Variants in CNOT6L observed in about 807,000 individuals in gnomAD.
The protein encoded by CNOT6L is CCR4-NOT transcription complex subunit 6 like.
Under a neutral mutation model 64.0 loss-of-function variants are expected in CNOT6L, and 7 were observed. The observed-to-expected ratio is 0.11, with a 90% CI of 0.06 to 0.21. CNOT6L has a LOEUF of 0.21. Ranked by LOEUF, CNOT6L falls within the 10% of genes least tolerant of loss-of-function variation. The probability of loss-of-function intolerance (pLI) is 1.00; values close to 1 mark genes in which losing one functional copy is unlikely to be tolerated. For missense variants in CNOT6L, 245 were observed against 669.0 expected, an observed-to-expected ratio of 0.37 and a Z score of 6.99; for synonymous variants, 193 against 243.4, an observed-to-expected ratio of 0.79 and a Z score of 1.93.
chr4:77,766,437 A>C (rs1364690224), intron 4 of CNOT6L, among the ~76,000 whole-genome samples: 1 of 152,138 alleles, frequency 6.6e-6, no homozygotes, highest in Admixed American at 6.5e-5. Flanking sequence ...TTAAAACTGG[A>C]AACAACAGAA....
intron 4 of CNOT6L, among the ~76,000 whole-genome samples, chr4:77,761,512 T>C (rs551990327): frequency 6.6e-6 from 1 of 152,350 alleles, no homozygotes; most frequent in Non-Finnish European, 1.5e-5. Context: ...TAAAGCATTC[T>C]GAAAACTCTT....
chr4:77,785,627 A>T (rs1729341187), intron 1 of CNOT6L, among the ~76,000 whole-genome samples: 1 of 152,242 alleles, frequency 6.6e-6, no homozygotes, highest in Non-Finnish European at 1.5e-5. Context: ...AAGAAGATAC[A>T]CGGATAGCAA....
intron 11 of CNOT6L, among the ~76,000 whole-genome samples, chr4:77,725,550 T>C (rs1721756232): frequency 6.6e-6 from 1 of 151,962 alleles, no homozygotes. Flanking sequence ...AGCCTTTCCA[T>C]TTTTTTTCAT....
chr4:77,799,595 T>C (rs6850049), intron 1 of CNOT6L, among the ~76,000 whole-genome samples: 130,800 of 151,536 alleles, frequency 0.86, 56,677 homozygotes, highest in Non-Finnish European at 0.9. Flanking sequence ...ATCCCAGCTA[T>C]TCAGGAGGTG....
At chr4:77,787,952 C>T (rs974938686) in intron 1 of CNOT6L, among the ~76,000 whole-genome samples, 2 of 152,178 alleles carry the variant, frequency 1.3e-5, no homozygotes, top group African/African-American at 2.4e-5. Flanking sequence ...CAGATATATG[C>T]CTTCAATAAA....
upstream of CNOT6L, chr4:77,819,518 A>C: frequency 3.3e-6 from 3 of 906,508 alleles, no homozygotes; most frequent in East Asian, 3.9e-5. Flanking sequence ...CAGGGCCCGT[A>C]ACCGGGGCTC....
intron 1 of CNOT6L, among the ~76,000 whole-genome samples, chr4:77,794,759 C>T (rs932142781): frequency 5.3e-5 from 8 of 152,158 alleles, no homozygotes; most frequent in Non-Finnish European, 1.0e-4. Context: ...CACCAGACAC[C>T]AGAAGTTCTA....
At chr4:77,788,100 AAAGT>A (rs1277226234) in intron 1 of CNOT6L, among the ~76,000 whole-genome samples, 2 of 152,208 alleles carry the variant, frequency 1.3e-5, no homozygotes, top group Non-Finnish European at 2.9e-5. Flanking sequence ...AATTTGGCAA[AAAGT>A]AAGTTAAAAT....
intron 6 of CNOT6L, among the ~76,000 whole-genome samples, chr4:77,747,182 A>C (rs753930345): frequency 6.6e-6 from 1 of 151,994 alleles, no homozygotes; most frequent in Non-Finnish European, 1.5e-5. Flanking sequence ...TCTTTTTTTG[A>C]GACAGGGTCT....
chr4:77,799,502 C>T (rs1318670201), intron 1 of CNOT6L, among the ~76,000 whole-genome samples: 1 of 151,830 alleles, frequency 6.6e-6, no homozygotes, highest in African/African-American at 2.4e-5. Flanking sequence ...GTCAAGAGTT[C>T]GAGACTAGCC....
chr4:77,802,646 AACAC>A (rs910539151), intron 1 of CNOT6L, among the ~76,000 whole-genome samples: 1 of 152,226 alleles, frequency 6.6e-6, no homozygotes, highest in African/African-American at 2.4e-5. Flanking sequence ...ACATGCACTG[AACAC>A]CCAGTATGTG....
intron 4 of CNOT6L, 43 bp downstream of exon 4, chr4:77,773,038 T>TAA: frequency 7.5e-7 from 1 of 1,339,800 alleles, no homozygotes; most frequent in Non-Finnish European, 1.0e-6. Context: ...AAATGCTCTT[T>TAA]AAAAGGCTCA....
intron 1 of CNOT6L, among the ~76,000 whole-genome samples, chr4:77,793,103 G>T (rs942312308): frequency 6.6e-6 from 1 of 151,996 alleles, no homozygotes; most frequent in African/African-American, 2.4e-5. Flanking sequence ...CATGAGTCCA[G>T]AGTATAGTAT....
In CNOT6L at chr4:77,756,852, T is replaced by C; in HGVS notation, c.490+10A>G. ...AGAATTTATTTTACAGCTTTGTCAC[T>C]AACAGTTACCTGCGAGATTGTCAAG... On this transcript the variant is annotated intron_variant, in intron 5 of 11. Transcript: ENST00000504123. 6.4e-7 allele frequency: 1 copy of C among 1,564,034 alleles called. No individual in the cohort carries two copies.
intron 4 of CNOT6L, among the ~76,000 whole-genome samples, chr4:77,764,453 T>G (rs1286066421): frequency 6.6e-6 from 1 of 152,130 alleles, no homozygotes; most frequent in Non-Finnish European, 1.5e-5. Flanking sequence ...TAACAGAAAT[T>G]TCTTGGCTCT....
intron 11 of CNOT6L, among the ~76,000 whole-genome samples, chr4:77,723,248 C>T (rs1721481200): frequency 6.6e-6 from 1 of 152,098 alleles, no homozygotes. Context: ...TAATTGTTTA[C>T]CCTTCAGTTC....
intron 10 of CNOT6L, among the ~76,000 whole-genome samples, chr4:77,727,149 C>A (rs1721948737): frequency 1.3e-5 from 2 of 152,168 alleles, no homozygotes; most frequent in African/African-American, 4.8e-5. Flanking sequence ...GTAAATAGCT[C>A]AGAAGGCACT....
Position 77,819,337 on chromosome 4 carries a change from AG to A in CNOT6L, c.-30del. The A allele has an allele frequency of 6.2e-7, 1 of 1,613,372 alleles. No individual in the cohort carries two copies. Among genetic ancestry groups the A allele is most frequent in the South Asian group, 1.1e-5 (1 of 91,040 alleles). On this transcript the variant is annotated 5_prime_UTR_variant, in exon 1 of 12. Transcript: ENST00000504123. Reference sequence around the variant, plus strand: ...CTTCCTCTGGCCCAGAAGCAACAGCAGCCATTTCCCCGCGGCAGGGGAAACA... The same window carrying A: ...CTTCCTCTGGCCCAGAAGCAACAGCACCATTTCCCCGCGGCAGGGGAAACA...
At chr4:77,783,989 G>C (rs922872321) in intron 1 of CNOT6L, among the ~76,000 whole-genome samples, 2 of 151,520 alleles carry the variant, frequency 1.3e-5, no homozygotes, top group African/African-American at 4.8e-5. Context: ...TGGCAATAAA[G>C]TCCCTAGATG....
Sources: allele counts gnomAD v4.1 joint callset (sites outside exome capture counted in the v4.1 genomes callset), GRCh38; gene constraint gnomAD v4.1.1; transcripts MANE v1.5; gene names NCBI Gene and HGNC (gene_info 2026-07-23, HGNC 2026-07-21).